Variants in PDE4D observed in about 807,000 individuals in gnomAD.
PDE4D encodes phosphodiesterase 4D.
PDE4D carries 24 observed loss-of-function variants against 87.4 expected under a neutral mutation model. The observed-to-expected ratio is 0.27, with a 90% confidence interval of 0.20 to 0.39. The LOEUF (loss-of-function observed/expected upper bound fraction) is 0.39. Ranked by LOEUF, PDE4D falls within the 10% of genes least tolerant of loss-of-function variation. The pLI, the probability that PDE4D is intolerant of heterozygous loss-of-function variation, is 1.00. For synonymous variants in PDE4D, 384 were observed against 383.2 expected (o/e 1.00, Z -0.02); for missense variants, 714 against 1,041.0 (o/e 0.69, Z 4.32).
At chr5:59,855,399 A>T (rs1322065550) in intron 1 of PDE4D, among the ~76,000 whole-genome samples, 2 of 152,164 alleles carry the variant, frequency 1.3e-5, no homozygotes, top group African/African-American at 4.8e-5. Context: ...GAAAGTCAAA[A>T]TGAGTGATGA....
At chr5:59,737,445 C>T (rs1285274787) in intron 1 of PDE4D, among the ~76,000 whole-genome samples, 1 of 151,958 alleles carries the variant, frequency 6.6e-6, no homozygotes, top group East Asian at 1.9e-4. Flanking sequence ...AAAATTGTGA[C>T]CTGGGCAAGT....
chr5:59,733,207 A>G (rs767101770), intron 1 of PDE4D, among the ~76,000 whole-genome samples: 21 of 152,102 alleles, frequency 1.4e-4, no homozygotes, highest in Non-Finnish European at 2.5e-4. Context: ...ATGGATTTTT[A>G]TTGGTGGTGA....
rs1366275876 is a variant in PDE4D at position 60,153,813 on chromosome 5, TAAACTC to T, written c.42+31738_42+31743del. ...CCACTTGATAAGAAATTAAAATAGTTAAACTCAGAGAAACAGAGTAAAACAGTGGTT... is the reference window on the plus strand; with the variant it reads ...CCACTTGATAAGAAATTAAAATAGTTAGAGAAACAGAGTAAAACAGTGGTT... On this transcript the variant is annotated intron_variant, in intron 2 of 16. Coordinates refer to the PDE4D transcript ENST00000502484. Among the ~76,000 whole-genome samples the T allele has an allele frequency of 5.9e-5, 9 of 152,260 alleles. No individual in the cohort carries two copies. The East Asian group carries it at 1.5e-3, about 26-fold the overall frequency.
intron 1 of PDE4D, among the ~76,000 whole-genome samples, chr5:59,389,246 T>C (rs1414508130): frequency 6.6e-6 from 1 of 152,074 alleles, no homozygotes; most frequent in African/African-American, 2.4e-5. Flanking sequence ...AGCTTTCTTA[T>C]GAAAAGTATG....
At chr5:59,594,351 G>A (rs1380512334) in intron 1 of PDE4D, among the ~76,000 whole-genome samples, 4 of 147,982 alleles carry the variant, frequency 2.7e-5, no homozygotes, top group Non-Finnish European at 4.5e-5. Flanking sequence ...GCAGAGTTTC[G>A]TTCTTGTAGC....
intron 1 of PDE4D, among the ~76,000 whole-genome samples, chr5:60,189,122 G>A (rs1583017479): frequency 2.6e-5 from 4 of 152,194 alleles, no homozygotes; most frequent in East Asian, 1.9e-4. Flanking sequence ...ATTTCGTTAC[G>A]ATAGGAGTTT....
At chr5:60,237,118 GGATCTC>G (rs1746518142) in intron 1 of PDE4D, among the ~76,000 whole-genome samples, 2 of 151,884 alleles carry the variant, frequency 1.3e-5, no homozygotes, top group Admixed American at 1.3e-4. Context: ...GGAGAGAACT[GGATCTC>G]TCACATGTCA....
intron 2 of PDE4D, among the ~76,000 whole-genome samples, chr5:60,136,556 C>T (rs1780066119): frequency 6.6e-6 from 1 of 152,098 alleles, no homozygotes; most frequent in Non-Finnish European, 1.5e-5. Flanking sequence ...CTCAAGTGAT[C>T]CACCCTCCTT....
intron 1 of PDE4D, among the ~76,000 whole-genome samples, chr5:59,457,391 A>G (rs80323957): frequency 0.02 from 3,056 of 152,334 alleles, 106 homozygotes; most frequent in African/African-American, 0.071. Context: ...TAGACATGCT[A>G]TTGAATACTT....
At chr5:59,746,024 T>G in intron 1 of PDE4D, among the ~76,000 whole-genome samples, 1 of 152,182 alleles carries the variant, frequency 6.6e-6, no homozygotes, top group South Asian at 2.1e-4. Flanking sequence ...TAAAACCTAT[T>G]TATTTAAGAA....
chr5:59,971,944 C>T (rs1379243382), intron 3 of PDE4D, among the ~76,000 whole-genome samples: 1 of 152,168 alleles, frequency 6.6e-6, no homozygotes, highest in Non-Finnish European at 1.5e-5. Flanking sequence ...AAGAAGCAGA[C>T]TTGAGCAGAA....
At chr5:60,239,105 T>C (rs1367948550) in intron 1 of PDE4D, among the ~76,000 whole-genome samples, 1 of 152,120 alleles carries the variant, frequency 6.6e-6, no homozygotes, top group African/African-American at 2.4e-5. Flanking sequence ...ATCTTTACTA[T>C]TCTTTTCACC....
chr5:60,063,158 G>A (rs903141620), intron 2 of PDE4D, among the ~76,000 whole-genome samples: 1 of 139,974 alleles, frequency 7.1e-6, no homozygotes, highest in African/African-American at 2.6e-5. Flanking sequence ...AAGAAAGAAG[G>A]AAAGAAAGAA....
intron 1 of PDE4D, among the ~76,000 whole-genome samples, chr5:60,218,670 A>C (rs1487086925): frequency 6.6e-6 from 1 of 152,074 alleles, no homozygotes; most frequent in Non-Finnish European, 1.5e-5. Flanking sequence ...ATTTCTTCCT[A>C]GATAAGTTGA....
intron 2 of PDE4D, among the ~76,000 whole-genome samples, chr5:60,050,451 G>C (rs1021101716): frequency 6.6e-6 from 1 of 152,174 alleles, no homozygotes; most frequent in South Asian, 2.1e-4. Context: ...CAAACGTGAA[G>C]GAGAAATAAA....
chr5:60,005,880 A>G (rs538764273), intron 2 of PDE4D, among the ~76,000 whole-genome samples: 1 of 152,040 alleles, frequency 6.6e-6, no homozygotes, highest in African/African-American at 2.4e-5. Flanking sequence ...TTTATAGTGT[A>G]AAAGAGAATT....
chr5:59,642,646 G>A (rs573934678), intron 1 of PDE4D, among the ~76,000 whole-genome samples: 7 of 152,178 alleles, frequency 4.6e-5, no homozygotes, highest in East Asian at 3.9e-4. Context: ...AGGCCTCCCC[G>A]GCCATGTGGA....
At chr5:59,343,770 G>C (rs1779162996) in intron 1 of PDE4D, among the ~76,000 whole-genome samples, 2 of 152,060 alleles carry the variant, frequency 1.3e-5, no homozygotes, top group Non-Finnish European at 2.9e-5. Flanking sequence ...AGCTTAAAAG[G>C]ATATTGTAAT....
intron 1 of PDE4D, among the ~76,000 whole-genome samples, chr5:60,468,496 C>T (rs1441710565): frequency 6.6e-6 from 1 of 152,018 alleles, no homozygotes; most frequent in Non-Finnish European, 1.5e-5. Context: ...ACTTTCTCAA[C>T]AAACAGCTTC....
Sources: allele counts gnomAD v4.1 joint callset (sites outside exome capture counted in the v4.1 genomes callset), GRCh38; gene constraint gnomAD v4.1.1; transcripts MANE v1.5; gene names NCBI Gene and HGNC (gene_info 2026-07-23, HGNC 2026-07-21).